SLC38A10: variants seen among roughly 807,000 people sequenced by gnomAD.
SLC38A10 encodes the protein solute carrier family 38 member 10, also known as Sodium-coupled neutral amino acid transporter 10.
Under a neutral mutation model 81.0 loss-of-function variants are expected in SLC38A10, and 53 were observed. That is an observed-to-expected ratio of 0.65 (90% CI 0.53 to 0.82). SLC38A10 has a LOEUF of 0.82. Ranked by LOEUF, SLC38A10 falls within the 40% of genes least tolerant of loss-of-function variation. The pLI, the probability that SLC38A10 is intolerant of heterozygous loss-of-function variation, is 0.00. For missense variants in SLC38A10, 1,471 were observed against 1,545.0 expected, an observed-to-expected ratio of 0.95 and a Z score of 0.80; for synonymous variants, 665 against 655.3, an observed-to-expected ratio of 1.01 and a Z score of -0.23.
At chr17:81,250,259 C>T (rs1276823455) in intron 14 of SLC38A10, among the ~76,000 whole-genome samples, 1 of 152,260 alleles carries the variant, frequency 6.6e-6, no homozygotes, top group Non-Finnish European at 1.5e-5. Context: ...CAAAACCCCA[C>T]ATGCCCGAAC....
Position 81,244,980 on chromosome 17 carries a change from C to G in SLC38A10, c.*576G>C, listed in dbSNP as rs1263927553. The G allele has an allele frequency of 6.2e-6, 1 of 160,604 alleles. No homozygotes were observed. Among genetic ancestry groups the G allele is most frequent in the South Asian group, 2.0e-4 (1 of 4,894 alleles). The allele number at this position is 160,604 out of a possible 1,614,324, so 9.9% of individuals were successfully genotyped here. A position where few individuals can be genotyped will look rare whatever the true frequency, so the allele number is the denominator to read the frequency against. ...CCTGCTCCCTGTGCTTCCTGGACACCAAACAGCATCCACCGAGGCTGGGTG... is the reference window on the plus strand; with the variant it reads ...CCTGCTCCCTGTGCTTCCTGGACACGAAACAGCATCCACCGAGGCTGGGTG... On this transcript the variant is annotated 3_prime_UTR_variant, in exon 16 of 16. Coordinates refer to ENST00000374759, the MANE Select transcript of SLC38A10 (RefSeq NM_001037984.3).
At chr17:81,272,326 C>T (rs1003108798) in intron 9 of SLC38A10, among the ~76,000 whole-genome samples, 190 bp downstream of exon 9, 11 of 152,252 alleles carry the variant, frequency 7.2e-5, no homozygotes, top group East Asian at 1.9e-4. Context: ...GCCACCGCAC[C>T]TGGCTCAAGT....
Position 81,281,104 on chromosome 17 carries a change from G to A in SLC38A10, c.502-371C>T, listed in dbSNP as rs528972649. 1.5e-4 allele frequency among the ~76,000 whole-genome samples: 23 copies of A among 152,340 alleles called. No homozygotes were observed. Among genetic ancestry groups the A allele is most frequent in the Admixed American group, 1.1e-3 (17 of 15,306 alleles). On this transcript the variant is annotated intron_variant, in intron 5 of 15. Coordinates refer to ENST00000374759, the MANE Select transcript of SLC38A10 (RefSeq NM_001037984.3). This position sits in a 1 kb window ranked among gnomAD's most constrained non-coding sequence, Gnocchi z 5.3. ...ACGTGGGCAGGTCCCTCCCCATCTT[G>A]TACTGTGTTAGACATGGACATTTTC...
intron 3 of SLC38A10, among the ~76,000 whole-genome samples, chr17:81,284,506 T>C (rs962430739): frequency 1.3e-5 from 2 of 152,212 alleles, no homozygotes; most frequent in Admixed American, 1.3e-4. Flanking sequence ...TCATAAATTT[T>C]TTCATCTCAT....
At chr17:81,254,501 G>A (rs376920889) in intron 11 of SLC38A10, among the ~76,000 whole-genome samples, 2 of 152,194 alleles carry the variant, frequency 1.3e-5, no homozygotes, top group East Asian at 3.8e-4. Context: ...AGGCTGGAGT[G>A]CAGTGGCACA....
chr17:81,246,066 T>G lies in SLC38A10; in HGVS notation c.2850A>C (p.Ala950=). 6.2e-7 allele frequency: 1 copy of G among 1,609,398 alleles called. No individual in the cohort carries two copies. Among genetic ancestry groups the G allele is most frequent in the Non-Finnish European group, 8.5e-7 (1 of 1,179,682 alleles). Residue 950 remains alanine, a synonymous_variant, in exon 16 of 16, where the codon GCA becomes GCC. Transcript: ENST00000374759. The part of the protein sequence containing the change: ...DLPGGAEGAA[A]QPQAVLRQPE... ...GCTGGCGTAACACAGCCTGGGGCTG[T>G]GCAGCTGCTCCTTCCGCCCCACCGG...
intron 10 of SLC38A10, chr17:81,264,399 T>C (rs2063052189): frequency 6.6e-6 from 1 of 152,214 alleles, no homozygotes; most frequent in South Asian, 2.1e-4. Context: ...ATCAGATCAA[T>C]ACAGCCGCAG....
intron 1 of SLC38A10, among the ~76,000 whole-genome samples, chr17:81,293,911 T>C (rs1010660891): frequency 2.6e-5 from 4 of 152,192 alleles, no homozygotes; most frequent in Non-Finnish European, 5.9e-5. Context: ...AAATGGCCAT[T>C]TTCTTTCATG....
intron 13 of SLC38A10, 87 bp downstream of exon 13, chr17:81,252,108 G>A: frequency 1.4e-6 from 2 of 1,468,978 alleles, no homozygotes; most frequent in Non-Finnish European, 1.8e-6. Context: ...GGGACTGAGG[G>A]AGGAACCATC....
At chr17:81,280,846 C>A in intron 5 of SLC38A10, 113 bp from the exon 6 acceptor site, 2 of 1,410,460 alleles carry the variant, frequency 1.4e-6, no homozygotes, top group East Asian at 2.5e-5. Flanking sequence ...CTCTTCCCAC[C>A]CACATCCCAG....
chr17:81,249,007 C>T lies in SLC38A10; in HGVS notation c.2066-1946G>A, dbSNP rs138938811. Among the ~76,000 whole-genome samples the T allele has an allele frequency of 6.6e-3, 1,010 of 152,298 alleles. 5 individuals are homozygous for T. Among genetic ancestry groups the T allele is most frequent in the Non-Finnish European group, 8.0e-3 (544 of 68,026 alleles). On this transcript the variant is annotated intron_variant, in intron 14 of 15. Coordinates refer to ENST00000374759, the MANE Select transcript of SLC38A10 (RefSeq NM_001037984.3). ...CCACCTCGGCCGTGGGCCACGTGCTCGCCCTGGGTGCTGCGGGGCTCAACC... is the reference window on the plus strand; with the variant it reads ...CCACCTCGGCCGTGGGCCACGTGCTTGCCCTGGGTGCTGCGGGGCTCAACC...
At position 81,272,522 on chromosome 17, in the gene SLC38A10, G is replaced by A; in HGVS notation, c.1018C>T (p.Pro340Ser). 6.3e-7 allele frequency: 1 copy of A among 1,591,240 alleles called. No homozygotes were observed. The highest frequency in any genetic ancestry group is 8.5e-7 in the Non-Finnish European group (1 of 1,170,596). ...GGCAGCCCTCCCGCCTTACCGTTGG[G>A]GATAAGGATGCCACCAACCATGGTT... is the stretch of plus-strand genomic sequence containing the variant. ...FGTMVGGILI[P>S]NVETILGLTG... Residue 340 changes from proline (P) to serine (S), a missense_variant, in exon 9 of 16, where the codon CCC becomes TCC. Physicochemically the swap from Pro to Ser is moderately conservative, Grantham distance 74 (BLOSUM62 -1). Coordinates refer to ENST00000374759, the MANE Select transcript of SLC38A10 (RefSeq NM_001037984.3).
Position 81,289,615 on chromosome 17 carries a change from G to GTAAATAAA in SLC38A10, c.217+68_217+75dup. The GTAAATAAA allele has an allele frequency of 1.0e-6, 1 of 982,726 alleles. No homozygotes were observed. The highest frequency in any genetic ancestry group is 1.4e-6 in the Non-Finnish European group (1 of 699,814). 60.9% of individuals were successfully genotyped at this position (982,726 alleles called of 1,614,324 possible). A position where few individuals can be genotyped will look rare whatever the true frequency, so the allele number is the denominator to read the frequency against. The stretch of plus-strand genomic sequence containing the variant: ...AGGAATTCTTGAAGAATCAAGTAGA[G>GTAAATAAA]TAAATAAATAAATAAATAAATGGAA... On this transcript the variant is annotated intron_variant, in intron 2 of 15. Coordinates refer to ENST00000374759, the MANE Select transcript of SLC38A10 (RefSeq NM_001037984.3). The surrounding 1 kb of genome is among the most constrained non-coding windows in gnomAD (Gnocchi z 5.9).
rs1450159151 is a variant in SLC38A10 at position 81,283,120 on chromosome 17, G to A, written c.357+289C>T. The stretch of plus-strand genomic sequence containing the variant: ...GGCCGCCTCTGCCCTCCAATGGGCA[G>A]CCCGGGCTGGCAGAGACTTGCTCTG... On this transcript the variant is annotated intron_variant, in intron 4 of 15. Transcript: ENST00000374759. This position sits in a 1 kb window ranked among gnomAD's most constrained non-coding sequence, Gnocchi z 4.7. Among the ~76,000 whole-genome samples, 1 of 152,186 alleles carries A rather than the reference G, an allele frequency of 6.6e-6. No individual in the cohort carries two copies. Among genetic ancestry groups the A allele is most frequent in the East Asian group, 1.9e-4 (1 of 5,168 alleles).
At position 81,261,383 on chromosome 17, in the gene SLC38A10, G is replaced by A. The variant is rs140903866; in HGVS notation, c.1132-989C>T. On this transcript the variant is annotated intron_variant, in intron 10 of 15. Transcript: ENST00000374759. ...TCTCCCCAGGGAAGCGCTAACTCCC[G>A]GTTGGGCAGAGCCTGTGTGCACTGG... is the stretch of plus-strand genomic sequence containing the variant. Among the ~76,000 whole-genome samples, 554 of 152,340 alleles carry A rather than the reference G, an allele frequency of 3.6e-3. 2 individuals are homozygous for A. Among genetic ancestry groups the A allele is most frequent in the Middle Eastern group, 0.031 (9 of 294 alleles).
intron 10 of SLC38A10, among the ~76,000 whole-genome samples, chr17:81,260,978 A>G (rs1306894489): frequency 1.3e-5 from 2 of 152,202 alleles, no homozygotes; most frequent in African/African-American, 4.8e-5. Flanking sequence ...GCTTGCCCCA[A>G]AGTCATCACA....
At chr17:81,257,711 C>T (rs1002165545) in intron 11 of SLC38A10, among the ~76,000 whole-genome samples, 4 of 152,380 alleles carry the variant, frequency 2.6e-5, no homozygotes, top group East Asian at 3.9e-4. Context: ...AGCAGACCCT[C>T]CTTCTGTCCC....
At chr17:81,249,110 G>C (rs540457256) in intron 14 of SLC38A10, among the ~76,000 whole-genome samples, 1 of 151,416 alleles carries the variant, frequency 6.6e-6, no homozygotes, top group Non-Finnish European at 1.5e-5. Context: ...GGTTCCGAAA[G>C]AGCAGGCACC....
chr17:81,256,446 G>A (rs1289704807), intron 11 of SLC38A10, among the ~76,000 whole-genome samples: 5 of 152,204 alleles, frequency 3.3e-5, no homozygotes, highest in African/African-American at 9.7e-5. Context: ...GTGGCTCTGC[G>A]GGCTGCCGGC....
Sources: gnomAD v4.1 joint callset for allele counts (sites outside exome capture counted in the v4.1 genomes callset) on GRCh38, gnomAD v4.1.1 for gene constraint, Gnocchi (gnomAD v3.1) non-coding constraint, MANE v1.5 for transcripts, NCBI Gene and HGNC (gene_info 2026-07-23, HGNC 2026-07-21) for gene names.